SZRD1: variants seen among roughly 807,000 people sequenced by gnomAD.
SZRD1 encodes SUZ RNA-binding domain-containing.
A neutral mutation model predicts 17.6 loss-of-function variants in SZRD1; 7 were observed. The observed-to-expected ratio is 0.40, with a 90% CI of 0.23 to 0.75. SZRD1 has a LOEUF of 0.75. SZRD1 is among the 30% of genes least tolerant of loss of function. The pLI is 0.38. For synonymous variants in SZRD1, 77 were observed against 77.9 expected, an observed-to-expected ratio of 0.99 and a Z score of 0.06; for missense variants, 178 against 201.8, an observed-to-expected ratio of 0.88 and a Z score of 0.71.
Position 16,395,198 on chromosome 1 carries a change from C to A in SZRD1, c.*58C>A. ...CGTCACCGCCTCCTGGGTCGTCCGC[C>A]ACGGGTTGCACTGCCGTGGCAGACA... On this transcript the variant is annotated 3_prime_UTR_variant, in exon 4 of 4. Transcript: ENST00000401088. The A allele has an allele frequency of 8.3e-7, 1 of 1,209,656 alleles. No homozygotes were observed. Among genetic ancestry groups the A allele is most frequent in the Non-Finnish European group, 1.2e-6 (1 of 814,110 alleles). The allele number at this position is 1,209,656 out of a possible 1,614,324, so 74.9% of individuals were successfully genotyped here. A position where few individuals can be genotyped will look rare whatever the true frequency, so the allele number is the denominator to read the frequency against.
rs764703672 is a variant in SZRD1 at position 16,387,597 on chromosome 1, G to A, written c.52-3778G>A. The A allele has an allele frequency of 1.0e-3, 462 of 456,668 alleles. 5 individuals carry two copies. The Middle Eastern group carries it at 0.022, about 22-fold the overall frequency. The allele number at this position is 456,668 out of a possible 1,614,324, so 28.3% of individuals were successfully genotyped here. On this transcript the variant is annotated intron_variant, in intron 1 of 3. Coordinates refer to ENST00000401088, the MANE Select transcript of SZRD1 (RefSeq NM_001114600.3). ...CCCTTCACTTCCCCAGGTATGCTCCGTGCGAGTGGAGTTTGGCTGCTTGCC... is the reference window on the plus strand; with the variant it reads ...CCCTTCACTTCCCCAGGTATGCTCCATGCGAGTGGAGTTTGGCTGCTTGCC...
At chr1:16,380,877 G>A (rs904541976) in intron 1 of SZRD1, among the ~76,000 whole-genome samples, 1 of 151,670 alleles carries the variant, frequency 6.6e-6, no homozygotes, top group Admixed American at 6.6e-5. Flanking sequence ...AAAGTGCTGA[G>A]ATTACAGATG....
At chr1:16,379,338 C>G (rs903592162) in intron 1 of SZRD1, among the ~76,000 whole-genome samples, 6 of 147,428 alleles carry the variant, frequency 4.1e-5, no homozygotes, top group African/African-American at 1.3e-4. Context: ...AGAATGGCCT[C>G]GTGATCCGCC....
intron 1 of SZRD1, chr1:16,387,721 G>A (rs926068312): frequency 4.4e-6 from 2 of 456,438 alleles, no homozygotes; most frequent in Non-Finnish European, 8.8e-6. Flanking sequence ...AGGCAGTCTT[G>A]TATTTAGAGT....
At chr1:16,371,672 A>T (rs1444891431) in intron 1 of SZRD1, among the ~76,000 whole-genome samples, 1 of 150,900 alleles carries the variant, frequency 6.6e-6, no homozygotes, top group African/African-American at 2.4e-5. Context: ...TGTGTTAGCC[A>T]GGATGGTCTC....
rs2085218747 is a variant in SZRD1 at position 16,391,346 on chromosome 1, C to T, written c.52-29C>T. The T allele has an allele frequency of 2.0e-6, 3 of 1,489,430 alleles. No individual in the cohort carries two copies. Among genetic ancestry groups the T allele is most frequent in the Admixed American group, 2.1e-5 (1 of 48,556 alleles). The allele number at this position is 1,489,430 out of a possible 1,614,324, so 92.3% of individuals were successfully genotyped here. ...GTTTTTATTTGAGAGAGATTTTTTC[C>T]TCTTTTTATATACATTTTTTTCCTC... On this transcript the variant is annotated intron_variant, in intron 1 of 3. Transcript: ENST00000401088. This position sits in a 1 kb window ranked among gnomAD's most constrained non-coding sequence, Gnocchi z 4.3.
At chr1:16,374,086 AAG>A (rs1344298389) in intron 1 of SZRD1, among the ~76,000 whole-genome samples, 1 of 152,198 alleles carries the variant, frequency 6.6e-6, no homozygotes, top group Non-Finnish European at 1.5e-5. Context: ...AGTGGGAAAA[AAG>A]AGATCAATTA....
rs139647217 is a variant in SZRD1 at position 16,376,793 on chromosome 1, G to A, written c.51+9485G>A. 6.2e-3 allele frequency among the ~76,000 whole-genome samples: 866 copies of A among 139,796 alleles called. 8 individuals are homozygous for A. Among genetic ancestry groups the A allele is most frequent in the African/African-American group, 0.021 (782 of 37,736 alleles). The allele number at this position is 139,796 out of a possible 152,430, so 91.7% of individuals were successfully genotyped here. ...TGCACTCCAGCCTGGGCGACACAGC[G>A]AGACTCTGTCTCAAAAAAAAAAAAA... On this transcript the variant is annotated intron_variant, in intron 1 of 3. Coordinates refer to ENST00000401088, the MANE Select transcript of SZRD1 (RefSeq NM_001114600.3).
chr1:16,370,902 T>C (rs2082903302), intron 1 of SZRD1, among the ~76,000 whole-genome samples: 1 of 152,240 alleles, frequency 6.6e-6, no homozygotes, highest in Non-Finnish European at 1.5e-5. Flanking sequence ...ATATGCACTT[T>C]TGAAAGAGGG....
intron 1 of SZRD1, chr1:16,387,659 C>T: frequency 2.2e-6 from 1 of 456,662 alleles, no homozygotes; most frequent in South Asian, 1.5e-5. Flanking sequence ...CCCTCAAAGG[C>T]TTCTAAATTC....
At chr1:16,374,952 G>C (rs1425112280) in intron 1 of SZRD1, among the ~76,000 whole-genome samples, 3 of 151,138 alleles carry the variant, frequency 2.0e-5, no homozygotes, top group East Asian at 4.0e-4. Context: ...ATCTCAGCTC[G>C]CTGCAACCTC....
intron 1 of SZRD1, among the ~76,000 whole-genome samples, chr1:16,389,285 G>A (rs1222129738): frequency 2.8e-5 from 4 of 145,208 alleles, no homozygotes; most frequent in Admixed American, 6.8e-5. Flanking sequence ...GTGGGGGGGG[G>A]GCAGAGTCTT....
intron 1 of SZRD1, among the ~76,000 whole-genome samples, chr1:16,375,168 G>T (rs757656035): frequency 6.6e-5 from 10 of 152,104 alleles, no homozygotes; most frequent in Non-Finnish European, 1.2e-4. Context: ...GAGCCACCAC[G>T]CCTGGCCTTT....
chr1:16,392,682 C>G (rs2085238505), intron 2 of SZRD1, among the ~76,000 whole-genome samples: 1 of 152,172 alleles, frequency 6.6e-6, no homozygotes, highest in Non-Finnish European at 1.5e-5. Flanking sequence ...AGGTCACTCT[C>G]ACTAGAAGGT....
At chr1:16,381,753 G>A (rs2100721786) in intron 1 of SZRD1, among the ~76,000 whole-genome samples, 1 of 151,432 alleles carries the variant, frequency 6.6e-6, no homozygotes, top group East Asian at 2.0e-4. Context: ...GCAACATGGT[G>A]AAGCTCTGTC....
intron 1 of SZRD1, chr1:16,369,288 C>T: frequency 3.0e-6 from 2 of 665,114 alleles, no homozygotes; most frequent in East Asian, 2.6e-5. Flanking sequence ...ATTTGAAATA[C>T]CTTTTGGAGA....
chr1:16,389,025 T>C (rs921702110), intron 1 of SZRD1, among the ~76,000 whole-genome samples: 1 of 151,340 alleles, frequency 6.6e-6, no homozygotes, highest in African/African-American at 2.4e-5. Flanking sequence ...TAGAACAATA[T>C]AGCTAACCAG....
chr1:16,385,239 T>C (rs11260740), intron 1 of SZRD1, among the ~76,000 whole-genome samples: 3,829 of 152,230 alleles, frequency 0.025, 166 homozygotes, highest in African/African-American at 0.087. Flanking sequence ...TTGGCTTGTA[T>C]ACTGAGGCAC....
In SZRD1 at chr1:16,391,663, G is replaced by A. The variant is rs992352537; in HGVS notation, c.101+239G>A. 4.6e-5 allele frequency among the ~76,000 whole-genome samples: 7 copies of A among 152,142 alleles called. No homozygotes were observed. Among genetic ancestry groups the A allele is most frequent in the African/African-American group, 7.2e-5 (3 of 41,430 alleles). ...GGCTCCCTGTGTGAGGTCATCTGATGCAATGTGAGGAAGTGACAAGTTGGA... is the reference window on the plus strand; with the variant it reads ...GGCTCCCTGTGTGAGGTCATCTGATACAATGTGAGGAAGTGACAAGTTGGA... On this transcript the variant is annotated intron_variant, in intron 2 of 3. Transcript: ENST00000401088. The surrounding 1 kb of genome is among the most constrained non-coding windows in gnomAD (Gnocchi z 4.3).
Sources: allele counts gnomAD v4.1 joint callset (sites outside exome capture counted in the v4.1 genomes callset), GRCh38; gene constraint gnomAD v4.1.1; non-coding constraint Gnocchi (gnomAD v3.1); transcripts MANE v1.5; gene names NCBI Gene and HGNC (gene_info 2026-07-23, HGNC 2026-07-21).